SAMD13: variants seen among roughly 807,000 people sequenced by gnomAD.
SAMD13 encodes sterile alpha motif domain-containing protein 13.
SAMD13 carries 9 observed loss-of-function variants against 12.4 expected under a neutral mutation model. The ratio of observed to expected loss-of-function variants is 0.72; its 90% CI spans 0.44 to 1.26. The LOEUF (loss-of-function observed/expected upper bound fraction) is 1.26, where lower values mean the gene tolerates loss of function less well. Ranked by LOEUF, SAMD13 falls within the 50% of genes most tolerant of loss-of-function variation. The pLI is 0.00. For missense variants in SAMD13, 84 were observed against 119.6 expected, an observed-to-expected ratio of 0.70 and a Z score of 1.39; for synonymous variants, 46 against 45.4, an observed-to-expected ratio of 1.01 and a Z score of -0.05.
chr1:84,298,910 G>A (rs1418881795), upstream of SAMD13, among the ~76,000 whole-genome samples: 2 of 151,932 alleles, frequency 1.3e-5, no homozygotes, highest in Admixed American at 6.5e-5. Context: ...CGGCTTCCCC[G>A]GGGAGCCCCC....
At chr1:84,298,755 G>C (rs1678370553), upstream of SAMD13, among the ~76,000 whole-genome samples, 2 of 152,176 alleles carry the variant, frequency 1.3e-5, no homozygotes, top group Admixed American at 1.3e-4. Context: ...GTGGAGTGGA[G>C]TGGGGGCAGA....
At chr1:84,348,054 T>C (rs1679569430) in intron 3 of SAMD13, among the ~76,000 whole-genome samples, 1 of 152,224 alleles carries the variant, frequency 6.6e-6, no homozygotes, top group African/African-American at 2.4e-5. Context: ...TTCCTTGTTC[T>C]GCTCTGGTTC....
At chr1:84,346,235 C>T (rs1025193229) in intron 3 of SAMD13, among the ~76,000 whole-genome samples, 31 of 152,172 alleles carry the variant, frequency 2.0e-4, no homozygotes, top group African/African-American at 6.8e-4. Flanking sequence ...AGCTAGTGAG[C>T]TATAATATCT....
intron 3 of SAMD13, among the ~76,000 whole-genome samples, chr1:84,330,792 T>G (rs555278113): frequency 1.3e-5 from 2 of 152,302 alleles, no homozygotes; most frequent in South Asian, 2.1e-4. Context: ...TGCCATTCAA[T>G]CAATGTCATA....
chr1:84,311,586 A>T (rs983839642), intron 2 of SAMD13, among the ~76,000 whole-genome samples: 1 of 152,188 alleles, frequency 6.6e-6, no homozygotes, highest in Non-Finnish European at 1.5e-5. Flanking sequence ...ATTCAACAGT[A>T]GTATCTGTAA....
chr1:84,335,054 C>G (rs904086022), intron 3 of SAMD13, among the ~76,000 whole-genome samples: 9 of 151,982 alleles, frequency 5.9e-5, no homozygotes, highest in African/African-American at 1.9e-4. Context: ...CTGTAGATGT[C>G]TTTTAGATCC....
chr1:84,306,207 C>T (rs369567266), intron 2 of SAMD13, among the ~76,000 whole-genome samples: 2 of 152,182 alleles, frequency 1.3e-5, no homozygotes, highest in African/African-American at 4.8e-5. Flanking sequence ...TTGCCAGTTG[C>T]ATCCCTAATA....
intron 2 of SAMD13, among the ~76,000 whole-genome samples, chr1:84,313,483 C>T (rs957477786): frequency 9.2e-5 from 14 of 152,042 alleles, no homozygotes; most frequent in Admixed American, 2.6e-4. Context: ...TTTTTTTCCC[C>T]ATTTGCTTAG....
chr1:84,302,976 T>G (rs933936626), intron 1 of SAMD13: 2 of 384,690 alleles, frequency 5.2e-6, no homozygotes, highest in Admixed American at 3.7e-5. Context: ...AAATGCTTAT[T>G]GTCAAGGCAG....
At chr1:84,318,277 G>A (rs563973227) in intron 2 of SAMD13, among the ~76,000 whole-genome samples, 12 of 151,368 alleles carry the variant, frequency 7.9e-5, no homozygotes, top group Admixed American at 3.9e-4. Flanking sequence ...TACTGCTTCT[G>A]TTTCATTTCA....
At chr1:84,339,703 C>A (rs1262162133) in intron 3 of SAMD13, among the ~76,000 whole-genome samples, 2 of 152,154 alleles carry the variant, frequency 1.3e-5, no homozygotes, top group African/African-American at 4.8e-5. Flanking sequence ...GCACACACAT[C>A]AGCTGGGGAG....
chr1:84,341,716 A>AT, intron 3 of SAMD13, among the ~76,000 whole-genome samples: 1 of 152,164 alleles, frequency 6.6e-6, no homozygotes, highest in East Asian at 1.9e-4. Context: ...TGGAGTTGAC[A>AT]TAAAAAAAAT....
chr1:84,341,488 A>AT (rs2101818260), intron 3 of SAMD13, among the ~76,000 whole-genome samples: 1 of 152,126 alleles, frequency 6.6e-6, no homozygotes, highest in East Asian at 1.9e-4. Flanking sequence ...TGGTTCCTTG[A>AT]TTTTTTTCCC....
intron 2 of SAMD13, among the ~76,000 whole-genome samples, chr1:84,322,776 G>C (rs1678974458): frequency 6.6e-6 from 1 of 151,978 alleles, no homozygotes; most frequent in Admixed American, 6.6e-5. Context: ...GTTCCACGTT[G>C]CTGCTATTCA....
At chr1:84,315,761 G>C (rs1004609657) in intron 2 of SAMD13, among the ~76,000 whole-genome samples, 1 of 152,078 alleles carries the variant, frequency 6.6e-6, no homozygotes, top group Non-Finnish European at 1.5e-5. Context: ...TCACATAGTA[G>C]TTCTATCTTT....
intron 3 of SAMD13, among the ~76,000 whole-genome samples, chr1:84,340,257 A>G (rs571190593): frequency 6.6e-6 from 1 of 152,366 alleles, no homozygotes; most frequent in Middle Eastern, 3.4e-3. Context: ...CATAAAAAGG[A>G]ATGAAGTTCT....
At chr1:84,326,855 A>G (rs1236316239) in intron 3 of SAMD13, among the ~76,000 whole-genome samples, 1 of 152,178 alleles carries the variant, frequency 6.6e-6, no homozygotes, top group Non-Finnish European at 1.5e-5. Flanking sequence ...CCTTCAACCT[A>G]TATTTACTTC....
intron 2 of SAMD13, among the ~76,000 whole-genome samples, chr1:84,310,404 T>C (rs1678683981): frequency 6.6e-6 from 1 of 152,114 alleles, no homozygotes; most frequent in Admixed American, 6.6e-5. Context: ...TTCAGGAATT[T>C]GTGTTGGGCC....
chr1:84,300,022 T>A (rs1357519355), upstream of SAMD13, among the ~76,000 whole-genome samples: 3 of 152,156 alleles, frequency 2.0e-5, no homozygotes, highest in Non-Finnish European at 4.4e-5. Flanking sequence ...CTGAACATGC[T>A]TTTGTTCTGA....
Sources: gnomAD v4.1 joint callset for allele counts (sites outside exome capture counted in the v4.1 genomes callset) on GRCh38, gnomAD v4.1.1 for gene constraint, MANE v1.5 for transcripts, NCBI Gene and HGNC (gene_info 2026-07-23, HGNC 2026-07-21) for gene names.